CRB3: variants seen among roughly 807,000 people sequenced by gnomAD.
CRB3 encodes crumbs cell polarity complex component 3.
Under a neutral mutation model 10.4 loss-of-function variants are expected in CRB3, and 4 were observed. That is an observed-to-expected ratio of 0.39 (90% CI 0.19 to 0.88). The LOEUF (loss-of-function observed/expected upper bound fraction) is 0.88, where lower values mean the gene tolerates loss of function less well. Ranked by LOEUF, CRB3 falls within the 40% of genes least tolerant of loss-of-function variation. The probability of loss-of-function intolerance (pLI) is 0.39; values close to 1 mark genes in which losing one functional copy is unlikely to be tolerated. For synonymous variants in CRB3, 74 were observed against 73.4 expected, an observed-to-expected ratio of 1.01 and a Z score of -0.04; for missense variants, 154 against 160.2, an observed-to-expected ratio of 0.96 and a Z score of 0.21.
Position 6,464,736 on chromosome 19 carries a change from T to C in CRB3, c.35T>C (p.Leu12Pro). 1 of 1,252,354 alleles carries C rather than the reference T, an allele frequency of 8.0e-7. No homozygotes were observed. Among genetic ancestry groups the C allele is most frequent in the South Asian group, 3.8e-5 (1 of 25,994 alleles). 77.6% of individuals were successfully genotyped at this position (1,252,354 alleles called of 1,614,324 possible). A position where few individuals can be genotyped will look rare whatever the true frequency, so the allele number is the denominator to read the frequency against. Residue 12 changes from leucine to proline, a missense_variant, in exon 2 of 4, where the codon CTG (leucine) becomes CCG (proline). Transcript: ENST00000600229. The surrounding 1 kb of genome is among the most constrained non-coding windows in gnomAD (Gnocchi z 5.3). ...ANPGLGLLLA[L>P]GLPFLLARWG... ...CCCGGGCTGGGGCTGCTTCTGGCGC[T>C]GGGCCTGCCGTTCCTGCTGGCCCGC...
At chr19:6,465,343 G>A (rs1451765468) in intron 2 of CRB3, 9 of 616,744 alleles carry the variant, frequency 1.5e-5, no homozygotes, top group Admixed American at 4.9e-5. Flanking sequence ...GGACTGGGTC[G>A]GGGGGGTGTC....
At chr19:6,465,808 C>A (rs2092791361) in intron 3 of CRB3, among the ~76,000 whole-genome samples, 190 bp downstream of exon 3, 1 of 152,032 alleles carries the variant, frequency 6.6e-6, no homozygotes, top group Non-Finnish European at 1.5e-5. Context: ...AGGGAGTGGG[C>A]AGGAATACTG....
Position 6,466,440 on chromosome 19 carries a change from G to C in CRB3, c.157-26G>C. The C allele has an allele frequency of 6.2e-7, 1 of 1,607,808 alleles. No individual in the cohort carries two copies. The highest frequency in any genetic ancestry group is 8.5e-7 in the Non-Finnish European group (1 of 1,175,722). Reference sequence around the variant, plus strand: ...GTGGACAGGCTACCCAGGCTCAGGTGATTCACACCTGTCCCCTCTCTGCAG... The same window carrying C: ...GTGGACAGGCTACCCAGGCTCAGGTCATTCACACCTGTCCCCTCTCTGCAG... On this transcript the variant is annotated intron_variant, in intron 3 of 3. Transcript: ENST00000600229. This position sits in a 1 kb window ranked among gnomAD's most constrained non-coding sequence, Gnocchi z 4.9.
In CRB3 at chr19:6,465,614, A is replaced by C. The variant is rs2092790500; in HGVS notation, c.152A>C (p.Asn51Thr). Residue 51 changes from asparagine to threonine, a missense_variant, in exon 3 of 4, where the codon AAC (asparagine) becomes ACC (threonine). Physicochemically the swap from Asn to Thr is moderately conservative, Grantham distance 65. Coordinates refer to ENST00000600229, the MANE Select transcript of CRB3 (RefSeq NM_139161.5). ...PSSTSSSSDG[N>T]LRPEAITAII... is the part of the protein sequence containing the mutation. ...TCCACCAGCTCCAGCTCCGATGGCA[A>C]CCTGGTGAGTTGGAGGTATATGTGG... 1 of 1,613,062 alleles carries C rather than the reference A, an allele frequency of 6.2e-7. No individual in the cohort carries two copies. The highest frequency in any genetic ancestry group is 8.5e-7 in the Non-Finnish European group (1 of 1,179,034).
chr19:6,465,755 G>C, intron 3 of CRB3, 137 bp downstream of exon 3: 2 of 756,650 alleles, frequency 2.6e-6, no homozygotes, highest in Non-Finnish European at 4.8e-6. Context: ...CTCTAAGTAG[G>C]AGAGACCTGA....
rs2092786642 is a variant in CRB3, at chr19:6,464,804, C to CT, written c.82+22dup. On this transcript the variant is annotated intron_variant, in intron 2 of 3. Coordinates refer to ENST00000600229, the MANE Select transcript of CRB3 (RefSeq NM_139161.5). This position sits in a 1 kb window ranked among gnomAD's most constrained non-coding sequence, Gnocchi z 5.3. ...GCAAAGTAGGTACCAGCTGAGAGCGCTGGGGGGGAGGGGTCTGGATTCCTG... is the reference window on the plus strand; with the variant it reads ...GCAAAGTAGGTACCAGCTGAGAGCGCTTGGGGGGGAGGGGTCTGGATTCCTG... The CT allele has an allele frequency of 8.1e-7, 1 of 1,241,162 alleles. No individual in the cohort carries two copies. Among genetic ancestry groups the CT allele is most frequent in the South Asian group, 3.9e-5 (1 of 25,766 alleles). The allele number at this position is 1,241,162 out of a possible 1,614,324, so 76.9% of individuals were successfully genotyped here.
At chr19:6,465,760 A>G in intron 3 of CRB3, 142 bp downstream of exon 3, 1 of 740,134 alleles carries the variant, frequency 1.4e-6, no homozygotes, top group Non-Finnish European at 2.4e-6. Flanking sequence ...AGTAGGAGAG[A>G]CCTGAAGTCT....
chr19:6,466,482 C>T lies in CRB3; in HGVS notation c.173C>T (p.Thr58Ile). Residue 58 changes from threonine to isoleucine, a missense_variant, in exon 4 of 4, where the codon ACT becomes ATT. Physicochemically the swap from Thr to Ile is moderately conservative, Grantham distance 89 (BLOSUM62 -1). Coordinates refer to ENST00000600229, the MANE Select transcript of CRB3 (RefSeq NM_139161.5). This position sits in a 1 kb window ranked among gnomAD's most constrained non-coding sequence, Gnocchi z 4.9. ...SDGNLRPEAI[T>I]AIIVVFSLLA... ...TCTCTGCAGCGTCCAGAAGCCATCA[C>T]TGCTATCATCGTGGTCTTCTCCCTC... The T allele has an allele frequency of 1.2e-6, 2 of 1,613,860 alleles. No individual in the cohort carries two copies. Among genetic ancestry groups the T allele is most frequent in the African/African-American group, 1.3e-5 (1 of 75,052 alleles).
Position 6,466,934 on chromosome 19 carries a change from C to A in CRB3, c.*262C>A, listed in dbSNP as rs559163351. 5 of 1,613,118 alleles carry A rather than the reference C, an allele frequency of 3.1e-6. No individual in the cohort carries two copies. Among genetic ancestry groups the A allele is most frequent in the African/African-American group, 2.7e-5 (2 of 74,952 alleles). ...GTGTGTCCAGCAGGCCCCACAACCCCCTCTCCTTTCTTTCAGTTCTCCCAT... is the reference window on the plus strand; with the variant it reads ...GTGTGTCCAGCAGGCCCCACAACCCACTCTCCTTTCTTTCAGTTCTCCCAT... On this transcript the variant is annotated 3_prime_UTR_variant, in exon 4 of 4. Coordinates refer to ENST00000600229, the MANE Select transcript of CRB3 (RefSeq NM_139161.5). The surrounding 1 kb of genome is among the most constrained non-coding windows in gnomAD (Gnocchi z 4.9).
chr19:6,465,279 C>T (rs956605982), intron 2 of CRB3: 23 of 492,964 alleles, frequency 4.7e-5, no homozygotes, highest in South Asian at 2.2e-4. Flanking sequence ...GGGCCCAGGG[C>T]CGAGAGGTGA....
chr19:6,464,139 C>G (rs961212459), upstream of CRB3: 1 of 146,950 alleles, frequency 6.8e-6, no homozygotes, highest in African/African-American at 2.7e-5. The surrounding 1 kb of genome is among the most constrained non-coding windows in gnomAD (Gnocchi z 5.3). Context: ...GCGCCCACAG[C>G]GCGGCCCCGC....
Position 6,465,648 on chromosome 19 carries a change from C to T in CRB3, c.156+30C>T, listed in dbSNP as rs375069506. On this transcript the variant is annotated intron_variant, in intron 3 of 3. Transcript: ENST00000600229. Reference sequence around the variant, plus strand: ...GTTGGAGGTATATGTGGGAAGATGGCAGCAAGGATGTTATCTAGGGGTCAC... The same window carrying T: ...GTTGGAGGTATATGTGGGAAGATGGTAGCAAGGATGTTATCTAGGGGTCAC... 3 of 1,569,262 alleles carry T rather than the reference C, an allele frequency of 1.9e-6. No homozygotes were observed. The Admixed American group carries it at 5.0e-5, about 26-fold the overall frequency.
At chr19:6,465,068 A>G (rs918863788) in intron 2 of CRB3, 4 of 330,928 alleles carry the variant, frequency 1.2e-5, no homozygotes, top group African/African-American at 8.5e-5. Flanking sequence ...GGGGGGAGGT[A>G]AGGGCTGCGT....
Position 6,466,883 on chromosome 19 carries a change from C to A in CRB3, c.*211C>A, listed in dbSNP as rs1169475746. 6 of 1,584,554 alleles carry A rather than the reference C, an allele frequency of 3.8e-6. No homozygotes were observed. The highest frequency in any genetic ancestry group is 1.8e-5 in the Admixed American group (1 of 56,928). On this transcript the variant is annotated 3_prime_UTR_variant, in exon 4 of 4. Coordinates refer to ENST00000600229, the MANE Select transcript of CRB3 (RefSeq NM_139161.5). This position sits in a 1 kb window ranked among gnomAD's most constrained non-coding sequence, Gnocchi z 4.9. ...GGTGCTGGGGCTCGGGACCCACCCC[C>A]CTGCTTGCGGAACCAACTTTTCTCT...
rs1166942860 is a variant in CRB3, at chr19:6,466,652, C to T, written c.343C>T (p.Pro115Ser). 1.9e-6 allele frequency: 3 copies of T among 1,601,536 alleles called. No homozygotes were observed. Among genetic ancestry groups the T allele is most frequent in the Non-Finnish European group, 2.5e-6 (3 of 1,179,764 alleles). The change falls in exon 4 of 4, where the codon CCG becomes TCG. Residue 115 changes from proline (P) to serine (S), a missense_variant. Transcript: ENST00000600229. This position sits in a 1 kb window ranked among gnomAD's most constrained non-coding sequence, Gnocchi z 4.9. ...VPPTPNLKLP[P>S]EERLI Reference sequence around the variant, plus strand: ...ACCGACCCCCAACCTCAAGTTGCCGCCGGAAGAGCGGCTCATCTGAACGCT... The same window carrying T: ...ACCGACCCCCAACCTCAAGTTGCCGTCGGAAGAGCGGCTCATCTGAACGCT...
In CRB3 at chr19:6,466,050, A is replaced by C. The variant is rs1383589439; in HGVS notation, c.157-416A>C. On this transcript the variant is annotated intron_variant, in intron 3 of 3. Transcript: ENST00000600229. The surrounding 1 kb of genome is among the most constrained non-coding windows in gnomAD (Gnocchi z 4.9). ...CCTGTCTCTACTAAAAATACAAAAA[A>C]TTAGCCAGGCGGGGTGGCACACACC... Among the ~76,000 whole-genome samples, 1 of 152,128 alleles carries C rather than the reference A, an allele frequency of 6.6e-6. No individual in the cohort carries two copies. Among genetic ancestry groups the C allele is most frequent in the African/African-American group, 2.4e-5 (1 of 41,428 alleles).
chr19:6,465,342 C>CCG, intron 2 of CRB3: 1 of 636,106 alleles, frequency 1.6e-6, no homozygotes, highest in Non-Finnish European at 2.8e-6. Context: ...GGGACTGGGT[C>CCG]GGGGGGGTGT....
At position 6,466,875 on chromosome 19, in the gene CRB3, C is replaced by T; in HGVS notation, c.*203C>T. The T allele has an allele frequency of 2.5e-6, 4 of 1,580,634 alleles. No homozygotes were observed. In the South Asian group the frequency reaches 3.5e-5, roughly 14 times the overall value. The stretch of plus-strand genomic sequence containing the variant: ...CAGCTCAGGGTGCTGGGGCTCGGGA[C>T]CCACCCCCCTGCTTGCGGAACCAAC... On this transcript the variant is annotated 3_prime_UTR_variant, in exon 4 of 4. Coordinates refer to ENST00000600229, the MANE Select transcript of CRB3 (RefSeq NM_139161.5). This position sits in a 1 kb window ranked among gnomAD's most constrained non-coding sequence, Gnocchi z 4.9.
chr19:6,466,495 G>T lies in CRB3; in HGVS notation c.186G>T (p.Val62=). 6.2e-7 allele frequency: 1 copy of T among 1,613,784 alleles called. No individual in the cohort carries two copies. The change falls in exon 4 of 4, where the codon GTG becomes GTT. Residue 62 remains valine, a synonymous_variant. Transcript: ENST00000600229. The surrounding 1 kb of genome is among the most constrained non-coding windows in gnomAD (Gnocchi z 4.9). ...LRPEAITAII[V]VFSLLAALLL... Reference sequence around the variant, plus strand: ...CAGAAGCCATCACTGCTATCATCGTGGTCTTCTCCCTCTTGGCTGCCTTGC... The same window carrying T: ...CAGAAGCCATCACTGCTATCATCGTTGTCTTCTCCCTCTTGGCTGCCTTGC...
Sources: allele counts gnomAD v4.1 joint callset (sites outside exome capture counted in the v4.1 genomes callset), GRCh38; gene constraint gnomAD v4.1.1; non-coding constraint Gnocchi (gnomAD v3.1); transcripts MANE v1.5; gene names NCBI Gene and HGNC (gene_info 2026-07-23, HGNC 2026-07-21).